KIAA0319L: variants seen among roughly 807,000 people sequenced by gnomAD.
KIAA0319L encodes dyslexia-associated protein KIAA0319-like protein.
Under a neutral mutation model 120.1 loss-of-function variants are expected in KIAA0319L, and 55 were observed. That is an observed-to-expected ratio of 0.46 (90% confidence interval 0.37 to 0.57). KIAA0319L has a LOEUF of 0.57. Among genes scored for constraint, KIAA0319L ranks in the 20% least tolerant of loss-of-function variants. The pLI is 0.00. For missense variants in KIAA0319L, 1,049 were observed against 1,255.3 expected (o/e 0.84, Z 2.48); for synonymous variants, 398 against 471.9 (o/e 0.84, Z 2.03).
At chr1:35,461,466 CAAAAA>C (rs559111128) in intron 8 of KIAA0319L, among the ~76,000 whole-genome samples, 1 of 143,884 alleles carries the variant, frequency 7.0e-6, no homozygotes. Flanking sequence ...AACTCTGTCT[CAAAAA>C]AAAAAGAAAA....
chr1:35,545,094 G>A (rs1253718139), intron 2 of KIAA0319L, among the ~76,000 whole-genome samples: 2 of 152,134 alleles, frequency 1.3e-5, no homozygotes, highest in Non-Finnish European at 2.9e-5. Flanking sequence ...TCCAGTGGGA[G>A]GGTCCCCTGC....
chr1:35,447,287 A>T (rs1195552492), intron 16 of KIAA0319L, among the ~76,000 whole-genome samples: 31 of 152,082 alleles, frequency 2.0e-4, no homozygotes, highest in Admixed American at 2.0e-3. Flanking sequence ...GCTTTTAAAA[A>T]CAAAACAAAA....
chr1:35,506,478 G>C lies in KIAA0319L; in HGVS notation c.666+134C>G. On this transcript the variant is annotated intron_variant, in intron 3 of 20. Transcript: ENST00000325722. The surrounding 1 kb of genome is among the most constrained non-coding windows in gnomAD (Gnocchi z 4.0). ...ACATCTGGGCAGCACCAAAGAAGCT[G>C]ACACCAAGCAGCTTTATATATACAC... The C allele has an allele frequency of 1.2e-6, 1 of 826,158 alleles. No individual in the cohort carries two copies. The highest frequency in any genetic ancestry group is 1.9e-6 in the Non-Finnish European group (1 of 523,716). 51.2% of individuals were successfully genotyped at this position (826,158 alleles called of 1,614,324 possible).
At chr1:35,452,951 T>A (rs1467591358) in intron 12 of KIAA0319L, among the ~76,000 whole-genome samples, 1 of 152,212 alleles carries the variant, frequency 6.6e-6, no homozygotes, top group Non-Finnish European at 1.5e-5. Context: ...TTGCTACTTG[T>A]GGGATCCTGC....
chr1:35,494,976 C>T (rs1052434570), intron 3 of KIAA0319L, among the ~76,000 whole-genome samples: 9 of 152,098 alleles, frequency 5.9e-5, no homozygotes, highest in South Asian at 2.1e-4. Context: ...GGAAAAAATA[C>T]GGTCCTAAAA....
In KIAA0319L at chr1:35,444,430, C is replaced by A. The variant is rs1258704126; in HGVS notation, c.2514-127G>T. The A allele has an allele frequency of 4.6e-6, 4 of 870,614 alleles. No homozygotes were observed. The African/African-American group carries it at 5.2e-5, about 11-fold the overall frequency. 53.9% of individuals were successfully genotyped at this position (870,614 alleles called of 1,614,324 possible). A position where few individuals can be genotyped will look rare whatever the true frequency, so the allele number is the denominator to read the frequency against. Reference sequence around the variant, plus strand: ...AAGTGTTACATGCATTCTGTTACTACAAGCCAGTGAGAAAGGTGTTATCAG... The same window carrying A: ...AAGTGTTACATGCATTCTGTTACTAAAAGCCAGTGAGAAAGGTGTTATCAG... On this transcript the variant is annotated intron_variant, in intron 16 of 20. Transcript: ENST00000325722.
At chr1:35,449,259 T>G (rs1314095063) in intron 15 of KIAA0319L, among the ~76,000 whole-genome samples, 1 of 152,222 alleles carries the variant, frequency 6.6e-6, no homozygotes, top group Non-Finnish European at 1.5e-5. Flanking sequence ...CTCAGGAATT[T>G]ATACAGCTCT....
intron 3 of KIAA0319L, among the ~76,000 whole-genome samples, chr1:35,490,043 C>T (rs1426407851): frequency 1.3e-5 from 2 of 152,134 alleles, no homozygotes; most frequent in Admixed American, 6.5e-5. Flanking sequence ...TCACTGCAGC[C>T]TCGACCTCCC....
At chr1:35,470,839 G>A (rs768463145) in intron 6 of KIAA0319L, 24 bp downstream of exon 6, 2 of 1,427,374 alleles carry the variant, frequency 1.4e-6, no homozygotes, top group Non-Finnish European at 2.0e-6. Flanking sequence ...CCTTTGCCCT[G>A]CAAGTGAAAG....
At chr1:35,449,020 G>C (rs888080595) in intron 15 of KIAA0319L, among the ~76,000 whole-genome samples, 2 of 152,180 alleles carry the variant, frequency 1.3e-5, no homozygotes, top group African/African-American at 4.8e-5. Flanking sequence ...TTACATACTT[G>C]AATGCACCAC....
In KIAA0319L at chr1:35,479,112, T is replaced by A. The variant is rs773430729; in HGVS notation, c.767A>T (p.Glu256Val). ...KNVSVQPEIS[E>V]GLATTPSTQQ... ...AGTGCTGGGCGTAGTAGCAAGACCC[T>A]CTGATATTTCAGGTTGCACTGATAC... Residue 256 changes from glutamate (E) to valine (V), a missense_variant, in exon 4 of 21, where the codon GAG (glutamate) becomes GTG (valine). Coordinates refer to ENST00000325722, the MANE Select transcript of KIAA0319L (RefSeq NM_024874.5). 1 of 1,614,146 alleles carries A rather than the reference T, an allele frequency of 6.2e-7. No individual in the cohort carries two copies. The highest frequency in any genetic ancestry group is 1.1e-5 in the South Asian group (1 of 91,082).
chr1:35,445,084 T>C (rs1641519747), intron 16 of KIAA0319L, among the ~76,000 whole-genome samples: 1 of 152,158 alleles, frequency 6.6e-6, no homozygotes, highest in African/African-American at 2.4e-5. Flanking sequence ...ACCAAGATAT[T>C]GATCCCCTCA....
rs968915953 is a variant in KIAA0319L, at chr1:35,506,176, G to A, written c.666+436C>T. On this transcript the variant is annotated intron_variant, in intron 3 of 20. Transcript: ENST00000325722. The surrounding 1 kb of genome is among the most constrained non-coding windows in gnomAD (Gnocchi z 4.0). ...GTCAGATCTTAATCTGTAGTACCAA[G>A]CATGGTTAATTCTGACTGGAATAGA... Among the ~76,000 whole-genome samples, 1 of 152,196 alleles carries A rather than the reference G, an allele frequency of 6.6e-6. No individual in the cohort carries two copies. Among genetic ancestry groups the A allele is most frequent in the Non-Finnish European group, 1.5e-5 (1 of 68,030 alleles).
chr1:35,529,792 G>C (rs973067113), intron 2 of KIAA0319L, among the ~76,000 whole-genome samples: 3 of 152,098 alleles, frequency 2.0e-5, no homozygotes, highest in African/African-American at 7.2e-5. Flanking sequence ...GGAGATCTTT[G>C]TGGGTTGTAT....
intron 3 of KIAA0319L, among the ~76,000 whole-genome samples, chr1:35,501,080 G>A (rs1644987937): frequency 1.3e-5 from 2 of 151,994 alleles, no homozygotes; most frequent in South Asian, 4.1e-4. Context: ...CTCCCCTCAT[G>A]TCTATCCACT....
At chr1:35,546,294 T>C (rs1646980709) in intron 2 of KIAA0319L, among the ~76,000 whole-genome samples, 1 of 152,094 alleles carries the variant, frequency 6.6e-6, no homozygotes, top group Non-Finnish European at 1.5e-5. Context: ...AAACAAAGCA[T>C]GGTGTAACTT....
chr1:35,439,853 G>C (rs1386445258), intron 20 of KIAA0319L: 2 of 152,168 alleles, frequency 1.3e-5, no homozygotes, highest in African/African-American at 4.8e-5. Context: ...GTTTAGAAAA[G>C]AGGGAGATCA....
At chr1:35,504,748 C>G (rs1645148315) in intron 3 of KIAA0319L, among the ~76,000 whole-genome samples, 1 of 151,764 alleles carries the variant, frequency 6.6e-6, no homozygotes, top group Non-Finnish European at 1.5e-5. Flanking sequence ...ACCACATAGC[C>G]ACTATCTGAT....
intron 2 of KIAA0319L, among the ~76,000 whole-genome samples, chr1:35,546,569 C>G (rs373248856): frequency 6.6e-6 from 1 of 152,206 alleles, no homozygotes; most frequent in Non-Finnish European, 1.5e-5. Flanking sequence ...CAATCTTTCA[C>G]GAAGAACAGT....
Sources: gnomAD v4.1 joint callset for allele counts (sites outside exome capture counted in the v4.1 genomes callset) on GRCh38, gnomAD v4.1.1 for gene constraint, Gnocchi (gnomAD v3.1) non-coding constraint, MANE v1.5 for transcripts, NCBI Gene and HGNC (gene_info 2026-07-23, HGNC 2026-07-21) for gene names.